Variants in DGKB observed in about 807,000 individuals in gnomAD.
DGKB encodes diacylglycerol kinase beta, also known as 90 kDa diacylglycerol kinase.
A neutral mutation model predicts 114.3 loss-of-function variants in DGKB; 67 were observed. The ratio of observed to expected loss-of-function variants is 0.59; its 90% CI spans 0.48 to 0.72. The LOEUF is 0.72. Among genes scored for constraint, DGKB ranks in the 30% least tolerant of loss-of-function variants. DGKB has a pLI of 0.00. For missense variants in DGKB, 907 were observed against 975.2 expected (o/e 0.93, Z 0.93); for synonymous variants, 398 against 323.1 (o/e 1.23, Z -2.49).
intron 23 of DGKB, among the ~76,000 whole-genome samples, chr7:14,251,310 C>G (rs1204722181): frequency 6.6e-6 from 1 of 151,230 alleles, no homozygotes; most frequent in Non-Finnish European, 1.5e-5. Flanking sequence ...TTTTGGTTAT[C>G]TGGGGATGAT....
intron 23 of DGKB, among the ~76,000 whole-genome samples, chr7:14,231,906 C>T (rs1791921463): frequency 6.6e-6 from 1 of 151,930 alleles, no homozygotes; most frequent in African/African-American, 2.4e-5. Flanking sequence ...CCAAAGTAAT[C>T]AAGTCTTCTA....
chr7:14,289,484 G>A (rs936098989), intron 23 of DGKB, among the ~76,000 whole-genome samples: 1 of 152,028 alleles, frequency 6.6e-6, no homozygotes, highest in African/African-American at 2.4e-5. Context: ...TAAAAAATAA[G>A]CATAACATTT....
chr7:14,938,601 T>C (rs1277248030), intron 1 of DGKB, among the ~76,000 whole-genome samples: 2 of 141,932 alleles, frequency 1.4e-5, no homozygotes, highest in African/African-American at 2.7e-5. Flanking sequence ...TGTATTATTA[T>C]TCTTTTCTTT....
intron 25 of DGKB, among the ~76,000 whole-genome samples, chr7:14,151,598 C>T (rs570465421): frequency 1.1e-3 from 164 of 152,098 alleles, no homozygotes; most frequent in African/African-American, 3.5e-3. Flanking sequence ...AGTCACTAAT[C>T]AGAATAATGG....
chr7:14,549,231 G>A (rs907282769), intron 20 of DGKB, among the ~76,000 whole-genome samples: 4 of 151,996 alleles, frequency 2.6e-5, no homozygotes, highest in Non-Finnish European at 5.9e-5. Context: ...TCAGAAAGAT[G>A]GTACTATTGA....
chr7:14,905,451 A>T (rs1287688432), upstream of DGKB, among the ~76,000 whole-genome samples: 1 of 152,004 alleles, frequency 6.6e-6, no homozygotes, highest in Admixed American at 6.6e-5. Flanking sequence ...CACTGTGCCC[A>T]TTTCTCCAAG....
chr7:14,905,984 A>G (rs1783686483), upstream of DGKB, among the ~76,000 whole-genome samples: 1 of 152,108 alleles, frequency 6.6e-6, no homozygotes, highest in African/African-American at 2.4e-5. Context: ...GTGTCCTTTC[A>G]TATCTATCAC....
In DGKB at chr7:14,326,064, TTTC is replaced by T. The variant is rs1487890499; in HGVS notation, c.2122+12448_2122+12450del. 1.7e-4 allele frequency among the ~76,000 whole-genome samples: 24 copies of T among 142,586 alleles called. 1 individual carries two copies. Among genetic ancestry groups the T allele is most frequent in the Middle Eastern group, 3.7e-3 (1 of 272 alleles). The allele number at this position is 142,586 out of a possible 152,430, so 93.5% of individuals were successfully genotyped here. ...CTGGCAAAGATAATTAGGTCACAGA[TTTC>T]TTTTTTTTTTTTTTTTAACCATACA... On this transcript the variant is annotated intron_variant, in intron 23 of 25. Coordinates refer to ENST00000402815, the MANE Select transcript of DGKB (RefSeq NM_001350709.2).
intron 2 of DGKB, among the ~76,000 whole-genome samples, chr7:14,838,744 A>C (rs1353863411): frequency 6.6e-6 from 1 of 152,150 alleles, no homozygotes; most frequent in African/African-American, 2.4e-5. Flanking sequence ...CGTCAAAGTA[A>C]ACTTCTCGAA....
chr7:14,354,771 TA>T (rs569180673), intron 21 of DGKB, among the ~76,000 whole-genome samples: 15 of 152,186 alleles, frequency 9.9e-5, no homozygotes, highest in Non-Finnish European at 1.8e-4. Flanking sequence ...TAGGATGTCT[TA>T]AATTATGGAA....
At chr7:14,443,078 TG>T (rs1289310356) in intron 21 of DGKB, among the ~76,000 whole-genome samples, 1 of 152,216 alleles carries the variant, frequency 6.6e-6, no homozygotes, top group African/African-American at 2.4e-5. Context: ...TCTAGTTTAC[TG>T]CATAATAATA....
At chr7:14,777,472 A>T (rs1838374524) in intron 2 of DGKB, among the ~76,000 whole-genome samples, 1 of 152,156 alleles carries the variant, frequency 6.6e-6, no homozygotes, top group Non-Finnish European at 1.5e-5. Context: ...TAACTGAATC[A>T]TGGTGGCAGG....
intron 23 of DGKB, among the ~76,000 whole-genome samples, chr7:14,324,029 AAGAC>A (rs1808292391): frequency 1.3e-5 from 2 of 152,224 alleles, no homozygotes; most frequent in African/African-American, 4.8e-5. Flanking sequence ...ATGAAGGAAA[AAGAC>A]AGAAACCAGC....
intron 20 of DGKB, among the ~76,000 whole-genome samples, chr7:14,559,455 T>G (rs966196278): frequency 3.3e-5 from 5 of 152,158 alleles, no homozygotes; most frequent in African/African-American, 7.2e-5. Flanking sequence ...GTAGCTGACC[T>G]AAAATACAGG....
At chr7:14,490,581 A>G (rs1333763120) in intron 20 of DGKB, among the ~76,000 whole-genome samples, 1 of 152,158 alleles carries the variant, frequency 6.6e-6, no homozygotes, top group East Asian at 1.9e-4. Context: ...TTAATTCCTG[A>G]AAGTTGAAAA....
At chr7:14,616,216 A>C (rs2128804108) in intron 15 of DGKB, among the ~76,000 whole-genome samples, 1 of 147,730 alleles carries the variant, frequency 6.8e-6, no homozygotes, top group Non-Finnish European at 1.5e-5. Context: ...TATATATAAT[A>C]TACATATATA....
intron 23 of DGKB, among the ~76,000 whole-genome samples, chr7:14,299,181 T>C (rs1168431205): frequency 3.3e-5 from 5 of 152,056 alleles, no homozygotes; most frequent in African/African-American, 1.2e-4. Flanking sequence ...TATCAAATTA[T>C]AGTGAGGCAT....
chr7:14,807,717 C>T (rs922316193), intron 2 of DGKB, among the ~76,000 whole-genome samples: 31 of 151,970 alleles, frequency 2.0e-4, no homozygotes, highest in African/African-American at 7.2e-4. Context: ...ATGATGATGT[C>T]ATCAACCAGA....
At chr7:14,790,045 T>A (rs983120093) in intron 2 of DGKB, among the ~76,000 whole-genome samples, 1 of 152,240 alleles carries the variant, frequency 6.6e-6, no homozygotes, top group Non-Finnish European at 1.5e-5. Flanking sequence ...TGGGTAATGA[T>A]GTTTAATAGC....
Sources: gnomAD v4.1 joint callset for allele counts (sites outside exome capture counted in the v4.1 genomes callset) on GRCh38, gnomAD v4.1.1 for gene constraint, MANE v1.5 for transcripts, NCBI Gene and HGNC (gene_info 2026-07-23, HGNC 2026-07-21) for gene names.